PTRH2: variants seen among roughly 807,000 people sequenced by gnomAD.
PTRH2 encodes peptidyl-tRNA hydrolase 2, also known as peptidyl-tRNA hydrolase 2, mitochondrial.
A neutral mutation model predicts 12.3 loss-of-function variants in PTRH2; 10 were observed. That is an observed-to-expected ratio of 0.81 (90% CI 0.50 to 1.38). The LOEUF is 1.38. PTRH2 is among the 40% of genes most tolerant of loss of function. The pLI is 0.00. For missense variants in PTRH2, 176 were observed against 214.1 expected (o/e 0.82, Z 1.11); for synonymous variants, 73 against 77.4 (o/e 0.94, Z 0.30).
chr17:59,700,917 A>G (rs2033544368), intron 1 of PTRH2: 1 of 152,238 alleles, frequency 6.6e-6, no homozygotes, highest in Non-Finnish European at 1.5e-5. Flanking sequence ...AGTAGAGAAG[A>G]GAAAGGCGGA....
intron 1 of PTRH2, among the ~76,000 whole-genome samples, chr17:59,701,730 G>A (rs1441136468): frequency 1.3e-5 from 2 of 152,036 alleles, no homozygotes; most frequent in African/African-American, 4.8e-5. Flanking sequence ...ATTTGAGATG[G>A]AGTCTCGCTC....
In PTRH2 at chr17:59,697,867, C is replaced by CA. The variant is rs1555609200; in HGVS notation, c.111dup (p.Gly38TrpfsTer16). The CA allele has an allele frequency of 6.2e-7, 1 of 1,614,112 alleles. No individual in the cohort carries two copies. Among genetic ancestry groups the CA allele is most frequent in the Middle Eastern group, 1.6e-4 (1 of 6,062 alleles). ...CTCGTCTTGCTTTTGGGGAGCATCC[C>CA]AAAGCATACTCGAAGGCTCCAGCCC... On this transcript the variant is annotated frameshift_variant, in exon 2 of 2. Transcript: ENST00000393038. LOFTEE classifies it high-confidence loss of function.
chr17:59,706,386 C>T (rs937182065), intron 1 of PTRH2, among the ~76,000 whole-genome samples: 1 of 152,136 alleles, frequency 6.6e-6, no homozygotes, highest in Admixed American at 6.5e-5. Flanking sequence ...CACTATGTGG[C>T]CCCCTATGTG....
Position 59,697,613 on chromosome 17 carries a change from A to G in PTRH2, c.366T>C (p.Asp122=), listed in dbSNP as rs554318196. The G allele has an allele frequency of 1.3e-5, 21 of 1,614,204 alleles. No individual in the cohort carries two copies. In the East Asian group the frequency reaches 4.5e-4, roughly 34 times the overall value. The part of the protein sequence containing the change: ...GQPKVVVKAP[D]EETLIALLAH... The stretch of plus-strand genomic sequence containing the variant: ...CCAATAATGCAATCAGGGTTTCTTC[A>G]TCAGGAGCTTTGACCACCACCTTGG... Residue 122 remains aspartate, a synonymous_variant, in exon 2 of 2, where the codon GAT becomes GAC. Coordinates refer to ENST00000393038, the MANE Select transcript of PTRH2 (RefSeq NM_016077.5).
intron 1 of PTRH2, among the ~76,000 whole-genome samples, chr17:59,705,349 TAA>T (rs1439495789): frequency 6.6e-6 from 1 of 152,192 alleles, no homozygotes; most frequent in East Asian, 1.9e-4. Flanking sequence ...TATGAACACA[TAA>T]AAAGGAAGAT....
At chr17:59,701,197 T>A (rs2033548558) in intron 1 of PTRH2, 1 of 152,196 alleles carries the variant, frequency 6.6e-6, no homozygotes, top group African/African-American at 2.4e-5. Flanking sequence ...GACACAGTGG[T>A]ACAAGGGAAT....
At chr17:59,698,611 C>A in intron 1 of PTRH2, 1 of 455,994 alleles carries the variant, frequency 2.2e-6, no homozygotes, top group Non-Finnish European at 3.9e-6. Flanking sequence ...TTACTATGTA[C>A]AGGTGCTCCT....
intron 1 of PTRH2, among the ~76,000 whole-genome samples, chr17:59,702,176 C>T (rs779869542): frequency 6.6e-6 from 1 of 152,120 alleles, no homozygotes. Flanking sequence ...GCCATACACC[C>T]TGTTAAGCTG....
intron 1 of PTRH2, among the ~76,000 whole-genome samples, chr17:59,705,073 C>T (rs1229678931): frequency 6.6e-6 from 1 of 152,220 alleles, no homozygotes; most frequent in Non-Finnish European, 1.5e-5. Flanking sequence ...AGGCATGGGC[C>T]ACCATGCCTG....
chr17:59,698,146 C>G (rs772395338), intron 1 of PTRH2, 168 bp from the exon 2 acceptor site: 2 of 637,476 alleles, frequency 3.1e-6, no homozygotes, highest in Non-Finnish European at 5.4e-6. Flanking sequence ...TCTTGCCCAC[C>G]ACCAGTGTAC....
At chr17:59,705,863 C>T (rs545436604) in intron 1 of PTRH2, among the ~76,000 whole-genome samples, 2 of 150,742 alleles carry the variant, frequency 1.3e-5, no homozygotes, top group South Asian at 4.2e-4. Context: ...GAGCCATGAT[C>T]GTGCCACTGC....
intron 1 of PTRH2, chr17:59,700,432 AGTG>A (rs2033534774): frequency 6.6e-6 from 1 of 152,216 alleles, no homozygotes; most frequent in African/African-American, 2.4e-5. Flanking sequence ...TGTAATGTAA[AGTG>A]GTGCCCTTGG....
intron 1 of PTRH2, among the ~76,000 whole-genome samples, chr17:59,706,498 A>G (rs957350524): frequency 1.3e-5 from 2 of 150,416 alleles, no homozygotes; most frequent in Non-Finnish European, 3.0e-5. Flanking sequence ...TCTGCAGTTT[A>G]CAACCGAAAA....
chr17:59,705,274 G>A (rs908964085), intron 1 of PTRH2, among the ~76,000 whole-genome samples: 4 of 152,166 alleles, frequency 2.6e-5, no homozygotes, highest in Non-Finnish European at 4.4e-5. Context: ...GCTCTACATA[G>A]AGAAGCTATT....
At chr17:59,706,914 C>T (rs2033685728) in intron 1 of PTRH2, among the ~76,000 whole-genome samples, 1 of 152,052 alleles carries the variant, frequency 6.6e-6, no homozygotes, top group Non-Finnish European at 1.5e-5. Context: ...CTCAGGTGAT[C>T]CGCCCACATC....
At chr17:59,703,236 C>G (rs1291301378) in intron 1 of PTRH2, among the ~76,000 whole-genome samples, 1 of 151,948 alleles carries the variant, frequency 6.6e-6, no homozygotes, top group Non-Finnish European at 1.5e-5. Context: ...GTTGCCCAGG[C>G]TGGTCTCGAA....
At chr17:59,703,100 G>A (rs372820535) in intron 1 of PTRH2, among the ~76,000 whole-genome samples, 38 of 151,918 alleles carry the variant, frequency 2.5e-4, no homozygotes, top group African/African-American at 9.2e-4. Flanking sequence ...CTGCAGCCTC[G>A]AACTCCTGAG....
chr17:59,697,635 T>G lies in PTRH2; in HGVS notation c.344A>C (p.Lys115Thr). Residue 115 changes from lysine (K) to threonine (T), a missense_variant, in exon 2 of 2, where the codon AAG becomes ACG. By Grantham distance (78) the Lys-to-Thr change is moderately conservative. Transcript: ENST00000393038. Reference sequence around the variant, plus strand: ...TTCATCAGGAGCTTTGACCACCACCTTGGGCTGGCCACAGTATTCCCATTG... The same window carrying G: ...TTCATCAGGAGCTTTGACCACCACCGTGGGCTGGCCACAGTATTCCCATTG... The part of the protein sequence containing the change: ...LKQWEYCGQP[K>T]VVVKAPDEET... 1 of 1,614,212 alleles carries G rather than the reference T, an allele frequency of 6.2e-7. No individual in the cohort carries two copies. Among genetic ancestry groups the G allele is most frequent in the Non-Finnish European group, 8.5e-7 (1 of 1,180,020 alleles).
chr17:59,707,129 A>AG (rs2033695854), intron 1 of PTRH2: 1 of 152,182 alleles, frequency 6.6e-6, no homozygotes, highest in Non-Finnish European at 1.5e-5. Flanking sequence ...GCCTGCCTGG[A>AG]GGCTTTGCTG....
Sources: gnomAD v4.1 joint callset for allele counts (sites outside exome capture counted in the v4.1 genomes callset) on GRCh38, gnomAD v4.1.1 for gene constraint, MANE v1.5 for transcripts, NCBI Gene and HGNC (gene_info 2026-07-23, HGNC 2026-07-21) for gene names.